Variants in PLXNA2 observed in about 807,000 individuals in gnomAD.
The protein encoded by PLXNA2 is plexin-A2.
Under a neutral mutation model 193.5 loss-of-function variants are expected in PLXNA2, and 91 were observed. The ratio of observed to expected loss-of-function variants is 0.47; its 90% CI spans 0.40 to 0.56. PLXNA2 has a LOEUF of 0.56. Ranked by LOEUF, PLXNA2 falls within the 20% of genes least tolerant of loss-of-function variation. The pLI is 0.00. For missense variants in PLXNA2, 1,995 were observed against 2,503.2 expected, an observed-to-expected ratio of 0.80 and a Z score of 4.33; for synonymous variants, 997 against 1,027.3, an observed-to-expected ratio of 0.97 and a Z score of 0.56.
intron 12 of PLXNA2, among the ~76,000 whole-genome samples, chr1:208,064,698 G>A (rs371483179): frequency 3.9e-5 from 6 of 152,264 alleles, no homozygotes; most frequent in Non-Finnish European, 5.9e-5. Context: ...TGTTGGGCCC[G>A]GGAAGCAAGG....
At chr1:208,156,102 G>A (rs759914184) in intron 3 of PLXNA2, among the ~76,000 whole-genome samples, 38 of 74,498 alleles carry the variant, frequency 5.1e-4, no homozygotes, top group Non-Finnish European at 5.1e-4. Context: ...GGAAAGCAGG[G>A]TGAAAGAAAG....
chr1:208,178,375 G>T (rs1669729726), intron 3 of PLXNA2, among the ~76,000 whole-genome samples: 1 of 152,248 alleles, frequency 6.6e-6, no homozygotes, highest in African/African-American at 2.4e-5. Flanking sequence ...GAACAGGTGG[G>T]GAAGAATGAG....
chr1:208,148,594 T>G (rs4844648), intron 3 of PLXNA2, among the ~76,000 whole-genome samples: 7,692 of 152,248 alleles, frequency 0.051, 476 homozygotes, highest in East Asian at 0.31. Context: ...CCAATATTGA[T>G]TTATTATGTG....
intron 9 of PLXNA2, among the ~76,000 whole-genome samples, chr1:208,088,947 G>C (rs181217036): frequency 6.6e-6 from 1 of 152,150 alleles, no homozygotes; most frequent in African/African-American, 2.4e-5. Context: ...GATGATCATA[G>C]GAAAGCTGTT....
intron 3 of PLXNA2, among the ~76,000 whole-genome samples, chr1:208,165,158 C>G (rs1413225412): frequency 1.4e-5 from 2 of 145,226 alleles, no homozygotes; most frequent in African/African-American, 5.2e-5. Context: ...GGCCTCCCTC[C>G]TTCTCAGCCT....
chr1:208,179,004 C>A (rs1221394732), intron 3 of PLXNA2, among the ~76,000 whole-genome samples: 1 of 152,198 alleles, frequency 6.6e-6, no homozygotes, highest in Non-Finnish European at 1.5e-5. Flanking sequence ...CACAAAGGGG[C>A]CTTCCCCCTT....
chr1:208,084,078 CT>C (rs1666432207), intron 10 of PLXNA2, among the ~76,000 whole-genome samples: 1 of 152,222 alleles, frequency 6.6e-6, no homozygotes, highest in Non-Finnish European at 1.5e-5. Flanking sequence ...CATACACCTA[CT>C]GTGTTCTCAC....
intron 12 of PLXNA2, among the ~76,000 whole-genome samples, chr1:208,077,593 C>G (rs1414901272): frequency 6.6e-6 from 1 of 152,158 alleles, no homozygotes; most frequent in African/African-American, 2.4e-5. Context: ...ACTGCAGCAG[C>G]AAGAATTACA....
intron 4 of PLXNA2, among the ~76,000 whole-genome samples, chr1:208,109,536 C>A (rs992445920): frequency 6.6e-5 from 10 of 152,206 alleles, no homozygotes; most frequent in African/African-American, 2.4e-4. Flanking sequence ...TGCTTTCACA[C>A]ACATTATCTC....
chr1:208,049,118 C>T (rs1049119500), intron 17 of PLXNA2, among the ~76,000 whole-genome samples: 10 of 152,170 alleles, frequency 6.6e-5, no homozygotes, highest in African/African-American at 2.4e-4. Context: ...CACATAAAGA[C>T]TCTTGCCACG....
intron 15 of PLXNA2, 120 bp downstream of exon 15, chr1:208,052,207 A>G (rs1027947100): frequency 4.0e-5 from 38 of 945,950 alleles, no homozygotes; most frequent in Non-Finnish European, 4.7e-5. Context: ...ATTTGGGTCT[A>G]GGTGTAGCAA....
At chr1:208,087,624 G>A (rs753530388) in intron 9 of PLXNA2, among the ~76,000 whole-genome samples, 1 of 152,128 alleles carries the variant, frequency 6.6e-6, no homozygotes, top group Non-Finnish European at 1.5e-5. Flanking sequence ...TATTCTCTAA[G>A]GCAAAGGAAA....
intron 19 of PLXNA2, 48 bp downstream of exon 19, chr1:208,045,019 T>G (rs751738284): frequency 6.2e-7 from 1 of 1,610,314 alleles, no homozygotes; most frequent in Admixed American, 1.7e-5. Flanking sequence ...AGATCACACA[T>G]GCACCACGAG....
chr1:208,221,477 T>A (rs1194934712), intron 1 of PLXNA2, among the ~76,000 whole-genome samples: 1 of 149,906 alleles, frequency 6.7e-6, no homozygotes, highest in Non-Finnish European at 1.5e-5. Flanking sequence ...AGCATTTGCT[T>A]TGGGACAGGC....
chr1:208,177,560 C>T lies in PLXNA2; in HGVS notation c.1371+32720G>A, dbSNP rs570392181. The stretch of plus-strand genomic sequence containing the variant: ...ATTATCTTTTGAATAAATGAATAAA[C>T]AACATGGAATTAGCAAGCTGGTCAC... On this transcript the variant is annotated intron_variant, in intron 3 of 31. Coordinates refer to ENST00000367033, the MANE Select transcript of PLXNA2 (RefSeq NM_025179.4). 7.2e-5 allele frequency among the ~76,000 whole-genome samples: 11 copies of T among 152,310 alleles called. No individual in the cohort carries two copies. In the East Asian group the frequency reaches 1.7e-3, roughly 24 times the overall value.
chr1:208,179,433 C>T (rs1669767834), intron 3 of PLXNA2, among the ~76,000 whole-genome samples: 1 of 152,286 alleles, frequency 6.6e-6, no homozygotes, highest in East Asian at 1.9e-4. Context: ...CTTTGTCCTC[C>T]CTCCCTTCTG....
At chr1:208,200,834 G>C (rs1670528581) in intron 3 of PLXNA2, among the ~76,000 whole-genome samples, 1 of 151,684 alleles carries the variant, frequency 6.6e-6, no homozygotes, top group African/African-American at 2.4e-5. Context: ...TTGAACTCTT[G>C]ACCTCAGGCA....
chr1:208,106,524 ACAATAGCCACTAG>A (rs1321691916), intron 4 of PLXNA2, among the ~76,000 whole-genome samples: 1 of 152,258 alleles, frequency 6.6e-6, no homozygotes, highest in Non-Finnish European at 1.5e-5. Context: ...GCTGCCCAGT[ACAATAGCCACTAG>A]CTTCATGCGG....
chr1:208,076,568 T>G (rs1052038457), intron 12 of PLXNA2, among the ~76,000 whole-genome samples: 9 of 152,190 alleles, frequency 5.9e-5, no homozygotes, highest in African/African-American at 2.2e-4. Context: ...TTTTGGTACT[T>G]TTGCCACAGT....
Sources: gnomAD v4.1 joint callset for allele counts (sites outside exome capture counted in the v4.1 genomes callset) on GRCh38, gnomAD v4.1.1 for gene constraint, MANE v1.5 for transcripts, NCBI Gene and HGNC (gene_info 2026-07-23, HGNC 2026-07-21) for gene names.